Variants in SLC35F4 observed in about 807,000 individuals in gnomAD.
The protein encoded by SLC35F4 is chromosome 14 open reading frame 36.
A neutral mutation model predicts 44.2 loss-of-function variants in SLC35F4; 24 were observed. That is an observed-to-expected ratio of 0.54 (90% CI 0.39 to 0.76). The LOEUF is 0.76. Among genes scored for constraint, SLC35F4 ranks in the 30% least tolerant of loss-of-function variants. The pLI is 0.00. For synonymous variants in SLC35F4, 238 were observed against 223.6 expected (o/e 1.06, Z -0.57); for missense variants, 562 against 586.1 (o/e 0.96, Z 0.42).
intron 1 of SLC35F4, among the ~76,000 whole-genome samples, chr14:57,668,938 A>G (rs919517514): frequency 3.3e-5 from 5 of 152,066 alleles, no homozygotes; most frequent in African/African-American, 7.2e-5. Flanking sequence ...CCATTTTCAC[A>G]ATATTGATTC....
At chr14:57,688,205 A>C (rs894082552) in intron 1 of SLC35F4, among the ~76,000 whole-genome samples, 2 of 152,168 alleles carry the variant, frequency 1.3e-5, no homozygotes, top group Non-Finnish European at 2.9e-5. Context: ...AGAGGTCATG[A>C]GAGAGACAGA....
intron 3 of SLC35F4, among the ~76,000 whole-genome samples, chr14:57,581,998 C>T (rs1282914190): frequency 2.0e-5 from 3 of 152,178 alleles, no homozygotes; most frequent in Non-Finnish European, 4.4e-5. Flanking sequence ...CCTGTGATAA[C>T]TCCCACATGA....
intron 1 of SLC35F4, among the ~76,000 whole-genome samples, chr14:57,863,094 C>T (rs543504422): frequency 3.6e-4 from 55 of 152,224 alleles, no homozygotes; most frequent in Middle Eastern, 6.8e-3. Flanking sequence ...CTTGAACTCC[C>T]GGCCTCAAGC....
At chr14:57,700,414 C>T (rs1448132712) in intron 1 of SLC35F4, among the ~76,000 whole-genome samples, 1 of 152,078 alleles carries the variant, frequency 6.6e-6, no homozygotes, top group Non-Finnish European at 1.5e-5. Context: ...GATGTGAAGT[C>T]CTAGGACATT....
intron 1 of SLC35F4, among the ~76,000 whole-genome samples, chr14:57,721,011 T>C (rs1298950973): frequency 8.1e-6 from 1 of 123,178 alleles, no homozygotes; most frequent in East Asian, 2.3e-4. Flanking sequence ...TATATATATA[T>C]ATATGAGTTA....
In SLC35F4 at chr14:57,596,782, T is replaced by C. The variant is rs750797436; in HGVS notation, c.104-2658A>G. ...CTTTCTCATTTTCACTAAAATATTA[T>C]GTCCTGGCTTCCATACCTCCTGTTC... On this transcript the variant is annotated intron_variant, in intron 1 of 7. Coordinates refer to ENST00000556826, the MANE Select transcript of SLC35F4 (RefSeq NM_001306087.2). 25 of 1,366,706 alleles carry C rather than the reference T, an allele frequency of 1.8e-5. 1 individual carries two copies. In the South Asian group the frequency reaches 2.6e-4, roughly 14 times the overall value. The allele number at this position is 1,366,706 out of a possible 1,614,324, so 84.7% of individuals were successfully genotyped here.
At chr14:57,658,620 T>C (rs1174336315) in intron 1 of SLC35F4, among the ~76,000 whole-genome samples, 1 of 152,156 alleles carries the variant, frequency 6.6e-6, no homozygotes, top group African/African-American at 2.4e-5. Context: ...ACATCATGGA[T>C]TTCCAATTCA....
At chr14:57,979,845 C>T (rs1448312593) in intron 1 of SLC35F4, among the ~76,000 whole-genome samples, 3 of 152,152 alleles carry the variant, frequency 2.0e-5, no homozygotes, top group East Asian at 1.9e-4. Context: ...GCTGATTGTG[C>T]GTATCTTTCC....
chr14:57,911,662 T>C (rs1889218479), intron 1 of SLC35F4, among the ~76,000 whole-genome samples: 1 of 152,070 alleles, frequency 6.6e-6, no homozygotes, highest in Non-Finnish European at 1.5e-5. Context: ...TATAATTCTT[T>C]TTATACATTG....
At chr14:57,879,232 T>A (rs932172303) in intron 1 of SLC35F4, among the ~76,000 whole-genome samples, 1 of 152,132 alleles carries the variant, frequency 6.6e-6, no homozygotes, top group African/African-American at 2.4e-5. Context: ...TATTTTGAGT[T>A]TAAGGATCTT....
intron 1 of SLC35F4, among the ~76,000 whole-genome samples, chr14:57,677,037 T>C (rs1354011788): frequency 6.6e-6 from 1 of 151,964 alleles, no homozygotes; most frequent in Non-Finnish European, 1.5e-5. Flanking sequence ...AATGAGTGGA[T>C]AAAGAAAATG....
At chr14:57,739,517 G>A (rs1254843028) in intron 1 of SLC35F4, among the ~76,000 whole-genome samples, 3 of 152,092 alleles carry the variant, frequency 2.0e-5, no homozygotes, top group Non-Finnish European at 2.9e-5. Flanking sequence ...ATATCAAATG[G>A]GTGATTTTTC....
upstream of SLC35F4, among the ~76,000 whole-genome samples, chr14:57,867,602 A>ACCC (rs11372858): frequency 0.016 from 2,398 of 147,870 alleles, 213 homozygotes; most frequent in East Asian, 0.29. Flanking sequence ...ATGCCTTTAC[A>ACCC]CCCCCCCCCA....
chr14:57,957,728 A>G (rs1322785028), intron 1 of SLC35F4, among the ~76,000 whole-genome samples: 2 of 152,208 alleles, frequency 1.3e-5, no homozygotes, highest in Non-Finnish European at 2.9e-5. Flanking sequence ...CTCTAGGGTC[A>G]GTTAGATGTG....
At chr14:57,706,271 T>C (rs909229917) in intron 1 of SLC35F4, among the ~76,000 whole-genome samples, 2 of 152,196 alleles carry the variant, frequency 1.3e-5, no homozygotes, top group Non-Finnish European at 2.9e-5. Flanking sequence ...TTGTCCTAGA[T>C]TGCAGTCTAG....
chr14:57,848,815 T>C (rs1404534904), intron 1 of SLC35F4, among the ~76,000 whole-genome samples: 1 of 152,186 alleles, frequency 6.6e-6, no homozygotes, highest in Non-Finnish European at 1.5e-5. Flanking sequence ...TTTTCTAAGC[T>C]CAGGATTCCT....
rs34031712 is a variant in SLC35F4 at position 57,822,622 on chromosome 14, TA to T, written c.103+43100del. On this transcript the variant is annotated intron_variant, in intron 1 of 7. Coordinates refer to ENST00000556826, the MANE Select transcript of SLC35F4 (RefSeq NM_001306087.2). ...TAAAAATGAGTAATTCAAAGACCCA[TA>T]AAGAAACAATATTGTTGTCTCTATG... Among the ~76,000 whole-genome samples, 624 of 152,234 alleles carry T rather than the reference TA, an allele frequency of 4.1e-3. 3 individuals are homozygous for T. Among genetic ancestry groups the T allele is most frequent in the Middle Eastern group, 6.8e-3 (2 of 294 alleles).
At chr14:57,904,923 C>T (rs867367930) in intron 1 of SLC35F4, among the ~76,000 whole-genome samples, 2 of 152,180 alleles carry the variant, frequency 1.3e-5, no homozygotes, top group Admixed American at 6.5e-5. Context: ...AAAGAAAAGG[C>T]TATTTTGTGT....
chr14:57,836,417 C>G (rs1413077955), intron 1 of SLC35F4, among the ~76,000 whole-genome samples: 2 of 152,064 alleles, frequency 1.3e-5, no homozygotes, highest in Non-Finnish European at 2.9e-5. Flanking sequence ...CTCAGCCTCC[C>G]GAGTAGCTGG....
Sources: gnomAD v4.1 joint callset for allele counts (sites outside exome capture counted in the v4.1 genomes callset) on GRCh38, gnomAD v4.1.1 for gene constraint, MANE v1.5 for transcripts, NCBI Gene and HGNC (gene_info 2026-07-23, HGNC 2026-07-21) for gene names.